The following SNED1 variants were observed in gnomAD, a reference collection of about 807,000 sequenced individuals.
SNED1 encodes sushi, nidogen and EGF-like domain-containing protein 1.
In SNED1, 81 loss-of-function variants were observed where a neutral mutation model predicts 166.7. The observed-to-expected ratio is 0.49, with a 90% CI of 0.41 to 0.58. The LOEUF (loss-of-function observed/expected upper bound fraction) is 0.58, where lower values mean the gene tolerates loss of function less well. Ranked by LOEUF, SNED1 falls within the 20% of genes least tolerant of loss-of-function variation. The probability of loss-of-function intolerance (pLI) is 0.00; values close to 1 mark genes in which losing one functional copy is unlikely to be tolerated. For missense variants in SNED1, 1,604 were observed against 2,000.2 expected (o/e 0.80, Z 3.78); for synonymous variants, 762 against 822.0 (o/e 0.93, Z 1.25).
At chr2:241,003,591 C>T (rs1422534487) in intron 1 of SNED1, among the ~76,000 whole-genome samples, 2 of 152,224 alleles carry the variant, frequency 1.3e-5, no homozygotes, top group Non-Finnish European at 2.9e-5. Context: ...CACACTTCAG[C>T]CTCAGCCCAC....
rs755045260 is a variant in SNED1, at chr2:241,064,107, G to C, written c.2581G>C (p.Gly861Arg). 1 of 1,563,462 alleles carries C rather than the reference G, an allele frequency of 6.4e-7. No individual in the cohort carries two copies. Among genetic ancestry groups the C allele is most frequent in the South Asian group, 1.2e-5 (1 of 84,894 alleles). Reference sequence around the variant, plus strand: ...GTGCGTCTGCCCAGAGAGCTTCTTCGGCTACCACTGCGAGACAGGTAGGGC... The same window carrying C: ...GTGCGTCTGCCCAGAGAGCTTCTTCCGCTACCACTGCGAGACAGGTAGGGC... ...YLCVCPESFF[G>R]YHCETVSDPC... The change falls in exon 19 of 32, where the codon GGC becomes CGC. Residue 861 changes from glycine (G) to arginine (R), a missense_variant. Gly to Arg is a moderately radical substitution (Grantham distance 125, BLOSUM62 -2). This residue lies in a region of SNED1 where 1,237 missense variants were observed against 1,620.8 expected (regional missense o/e 0.76). Coordinates refer to ENST00000310397, the MANE Select transcript of SNED1 (RefSeq NM_001080437.3). This position sits in a 1 kb window ranked among gnomAD's most constrained non-coding sequence, Gnocchi z 7.0.
At chr2:241,044,609 C>T (rs1268018443) in intron 8 of SNED1, among the ~76,000 whole-genome samples, 3 of 152,224 alleles carry the variant, frequency 2.0e-5, no homozygotes, top group African/African-American at 7.2e-5. Flanking sequence ...CAGAAGTGGG[C>T]ATCCACACGG....
chr2:241,089,165 C>A, intron 31 of SNED1: 1 of 820,314 alleles, frequency 1.2e-6, no homozygotes, highest in South Asian at 1.9e-5. Flanking sequence ...CCATCTACAA[C>A]CTGTTACCAG....
At chr2:241,057,253 C>T (rs1031950182) in intron 16 of SNED1, among the ~76,000 whole-genome samples, 103 of 151,774 alleles carry the variant, frequency 6.8e-4, no homozygotes, top group African/African-American at 2.4e-3. Context: ...GTGGTGGGCA[C>T]CTGTAATCTC....
At chr2:241,043,004 T>C (rs2061559030) in intron 8 of SNED1, among the ~76,000 whole-genome samples, 1 of 151,024 alleles carries the variant, frequency 6.6e-6, no homozygotes, top group South Asian at 2.1e-4. Context: ...CTGGGATCCA[T>C]GTATGTGCAG....
In SNED1 at chr2:241,056,580, A is replaced by AT. The variant is rs1172411061; in HGVS notation, c.2257+3272dup. Among the ~76,000 whole-genome samples, 209 of 111,224 alleles carry AT rather than the reference A, an allele frequency of 1.9e-3. 7 individuals are homozygous for AT. Among genetic ancestry groups the AT allele is most frequent in the Admixed American group, 2.3e-3 (21 of 9,290 alleles). 73.0% of individuals were successfully genotyped at this position (111,224 alleles called of 152,430 possible). A position where few individuals can be genotyped will look rare whatever the true frequency, so the allele number is the denominator to read the frequency against. ...GAATTAGGAATTCTGAATAAGTGAA[A>AT]TTTTTTTTTTTTTTTTTTGAGACGG... On this transcript the variant is annotated intron_variant, in intron 16 of 31. Coordinates refer to ENST00000310397, the MANE Select transcript of SNED1 (RefSeq NM_001080437.3).
chr2:241,080,857 C>G (rs112866321), intron 27 of SNED1, among the ~76,000 whole-genome samples: 4 of 152,360 alleles, frequency 2.6e-5, no homozygotes, highest in African/African-American at 9.6e-5. Context: ...GTGGACCAGT[C>G]CAGGGTGACC....
intron 8 of SNED1, among the ~76,000 whole-genome samples, chr2:241,041,530 C>T (rs1020987314): frequency 2.0e-5 from 3 of 151,976 alleles, no homozygotes; most frequent in African/African-American, 4.8e-5. Context: ...ACCAAAAATA[C>T]AAAAGTTAGC....
chr2:241,030,557 A>G lies in SNED1; in HGVS notation c.487A>G (p.Ser163Gly). Reference sequence around the variant, plus strand: ...GTACCGAGTGACCTTCTTTGGAGGCAGTTCCTCATCCCCTGTGAGTCCAGG... The same window carrying G: ...GTACCGAGTGACCTTCTTTGGAGGCGGTTCCTCATCCCCTGTGAGTCCAGG... Reference protein sequence around the residue: ...TWYRVTFFGGSSSSPVNTFQT... With the variant: ...TWYRVTFFGGGSSSPVNTFQT... The change falls in exon 2 of 32, where the codon AGT (serine) becomes GGT (glycine). Residue 163 changes from serine to glycine, a missense_variant. Around this residue, in one of 2 missense-constraint regions of SNED1, gnomAD observed 1,237 missense variants for 1,620.8 expected, o/e 0.76. Transcript: ENST00000310397. 2 of 1,613,786 alleles carry G rather than the reference A, an allele frequency of 1.2e-6. No homozygotes were observed. The highest frequency in any genetic ancestry group is 1.3e-5 in the African/African-American group (1 of 75,054).
At chr2:241,036,610 C>T (rs1034346738) in intron 4 of SNED1, among the ~76,000 whole-genome samples, 180 bp from the exon 5 acceptor site, 2 of 152,166 alleles carry the variant, frequency 1.3e-5, no homozygotes, top group South Asian at 2.1e-4. Flanking sequence ...CCCCTGCTCC[C>T]CTGCTCCCCT....
intron 24 of SNED1, among the ~76,000 whole-genome samples, chr2:241,070,448 C>T (rs142724670): frequency 1.3e-5 from 2 of 152,356 alleles, no homozygotes; most frequent in Admixed American, 6.5e-5. Flanking sequence ...CAGTTTGTGC[C>T]GGACCCTCCC....
At chr2:241,030,684 C>A in intron 2 of SNED1, 113 bp downstream of exon 2, 2 of 1,121,114 alleles carry the variant, frequency 1.8e-6, no homozygotes, top group Non-Finnish European at 2.6e-6. Flanking sequence ...CTGGTCCATA[C>A]CCAAGAGGGG....
chr2:241,002,231 A>G (rs2060097573), intron 1 of SNED1, among the ~76,000 whole-genome samples: 1 of 152,110 alleles, frequency 6.6e-6, no homozygotes. Context: ...GCTCCAAGCC[A>G]TCTGGAAAAT....
rs537787107 is a variant in SNED1 at position 241,069,603 on chromosome 2, G to A, written c.3308-317G>A. 5.3e-5 allele frequency among the ~76,000 whole-genome samples: 8 copies of A among 152,174 alleles called. No homozygotes were observed. The highest frequency in any genetic ancestry group is 1.2e-4 in the Non-Finnish European group (8 of 68,026). ...TGGTGGGGCAGGGGAGTCTGCACAG[G>A]GCTCCACGCAGCCAGGCTCAGGGGA... is the stretch of plus-strand genomic sequence containing the variant. On this transcript the variant is annotated intron_variant, in intron 23 of 31. Coordinates refer to ENST00000310397, the MANE Select transcript of SNED1 (RefSeq NM_001080437.3). This position sits in a 1 kb window ranked among gnomAD's most constrained non-coding sequence, Gnocchi z 4.9.
intron 1 of SNED1, among the ~76,000 whole-genome samples, chr2:241,027,546 C>T (rs2061011080): frequency 6.6e-6 from 1 of 151,988 alleles, no homozygotes; most frequent in Non-Finnish European, 1.5e-5. Flanking sequence ...TCTTCAAGAC[C>T]CTGCTTTTGA....
chr2:241,052,139 G>A lies in SNED1; in HGVS notation c.1951G>A (p.Gly651Arg), dbSNP rs1260270030. 5.0e-6 allele frequency: 8 copies of A among 1,613,626 alleles called. No individual in the cohort carries two copies. Among genetic ancestry groups the A allele is most frequent in the East Asian group, 2.2e-5 (1 of 44,882 alleles). The change falls in exon 14 of 32, where the codon GGG (glycine) becomes AGG (arginine). Residue 651 changes from glycine (G) to arginine (R), a missense_variant. Coordinates refer to ENST00000310397, the MANE Select transcript of SNED1 (RefSeq NM_001080437.3). ...GTGTGACTGTCCCCCAGGCTTCTCC[G>A]GGCGGCACTGCGAGATAGGTAAGGT... ...YKCDCPPGFS[G>R]RHCEIAPSPC...
chr2:241,090,143 A>G, intron 31 of SNED1: 1 of 1,476,776 alleles, frequency 6.8e-7, no homozygotes, highest in South Asian at 1.4e-5. Context: ...TTAAAATACA[A>G]ACACACTGTA....
At chr2:241,077,581 C>T (rs2063089625) in intron 27 of SNED1, among the ~76,000 whole-genome samples, 1 of 151,850 alleles carries the variant, frequency 6.6e-6, no homozygotes, top group Admixed American at 6.6e-5. Context: ...GACAAACAAC[C>T]CAGTTCAGAC....
chr2:241,087,526 T>C (rs2063644083), intron 30 of SNED1, 51 bp downstream of exon 30: 3 of 1,556,392 alleles, frequency 1.9e-6, no homozygotes, highest in African/African-American at 1.4e-5. Flanking sequence ...GCCCACAGGG[T>C]GATGGGGCAA....
Sources: gnomAD v4.1 joint callset for allele counts (sites outside exome capture counted in the v4.1 genomes callset) on GRCh38, gnomAD v4.1.1 for gene constraint, gnomAD v4.1.1 regional missense constraint, Gnocchi (gnomAD v3.1) non-coding constraint, MANE v1.5 for transcripts, NCBI Gene and HGNC (gene_info 2026-07-23, HGNC 2026-07-21) for gene names.